The following ANKRD30B variants were observed in gnomAD, a reference collection of about 807,000 sequenced individuals.
The protein encoded by ANKRD30B is ankyrin repeat domain 30B.
ANKRD30B carries 144 observed loss-of-function variants against 202.2 expected under a neutral mutation model. That is an observed-to-expected ratio of 0.71 (90% CI 0.62 to 0.82). ANKRD30B has a LOEUF of 0.82. Among genes scored for constraint, ANKRD30B ranks in the 40% least tolerant of loss-of-function variants. ANKRD30B has a pLI of 0.00. For missense variants in ANKRD30B, 1,487 were observed against 1,669.1 expected, an observed-to-expected ratio of 0.89 and a Z score of 1.90; for synonymous variants, 508 against 561.3, an observed-to-expected ratio of 0.91 and a Z score of 1.34.
chr18:14,837,787 G>T, intron 36 of ANKRD30B, 111 bp downstream of exon 36: 1 of 1,256,884 alleles, frequency 8.0e-7, no homozygotes, highest in Non-Finnish European at 1.1e-6. Context: ...TCCATAAGGC[G>T]GGTGGATCAC....
chr18:14,838,152 T>A (rs1400743211), intron 36 of ANKRD30B, among the ~76,000 whole-genome samples: 1 of 152,278 alleles, frequency 6.6e-6, no homozygotes, highest in Non-Finnish European at 1.5e-5. Context: ...CAGTGTAGAA[T>A]AGTGCAAAAC....
chr18:14,875,568 C>G, the ANKRD30B span, among the ~76,000 whole-genome samples: 1 of 152,188 alleles, frequency 6.6e-6, no homozygotes, highest in Non-Finnish European at 1.5e-5. Flanking sequence ...AGCCCCTGGA[C>G]AGCAGGTGCT....
At chr18:14,911,233 C>A in the ANKRD30B span, among the ~76,000 whole-genome samples, 100 of 151,922 alleles carry the variant, frequency 6.6e-4, no homozygotes, top group Non-Finnish European at 1.0e-3. Context: ...CCTAGATTTT[C>A]TTCTAAGAGT....
chr18:14,789,748 A>G (rs148698392), intron 15 of ANKRD30B, among the ~76,000 whole-genome samples: 2,594 of 152,220 alleles, frequency 0.017, 82 homozygotes, highest in African/African-American at 0.06. Flanking sequence ...CCATTGATCT[A>G]TATCTCTGTT....
chr18:14,916,957 C>T, the ANKRD30B span, among the ~76,000 whole-genome samples: 2 of 152,192 alleles, frequency 1.3e-5, no homozygotes, highest in Non-Finnish European at 2.9e-5. Context: ...ACTTAAATGT[C>T]GGTCATCAGT....
chr18:14,755,346 C>G (rs1232271334), intron 4 of ANKRD30B, among the ~76,000 whole-genome samples: 1 of 151,968 alleles, frequency 6.6e-6, no homozygotes, highest in Non-Finnish European at 1.5e-5. Flanking sequence ...GAATTATTAA[C>G]AGTTTTATAG....
chr18:14,797,699 T>G lies in ANKRD30B; in HGVS notation c.1956+10T>G. The G allele has an allele frequency of 6.2e-7, 1 of 1,609,756 alleles. No homozygotes were observed. The highest frequency in any genetic ancestry group is 1.1e-5 in the South Asian group (1 of 90,942). ...AGATGGTCTTCTGAAGGTAATAGCT[T>G]TTATGTCTCTATCTTGAATATTAAC... On this transcript the variant is annotated intron_variant, in intron 19 of 43. Coordinates refer to ENST00000690538, the MANE Select transcript of ANKRD30B (RefSeq NM_001367607.2).
intron 8 of ANKRD30B, among the ~76,000 whole-genome samples, chr18:14,770,743 G>T (rs979732086): frequency 1.3e-5 from 2 of 151,868 alleles, no homozygotes; most frequent in Non-Finnish European, 2.9e-5. Flanking sequence ...GTTCAAAGAC[G>T]TCCTGAATAG....
At chr18:14,817,319 C>A (rs1037520507) in intron 30 of ANKRD30B, among the ~76,000 whole-genome samples, 7 of 152,078 alleles carry the variant, frequency 4.6e-5, no homozygotes, top group South Asian at 2.1e-4. Flanking sequence ...TAGAGCCATG[C>A]CATGTGACCT....
chr18:14,922,957 CAG>C, the ANKRD30B span, among the ~76,000 whole-genome samples: 1 of 152,090 alleles, frequency 6.6e-6, no homozygotes, highest in Non-Finnish European at 1.5e-5. Flanking sequence ...GGACACTGGG[CAG>C]AGTCACCAGG....
At chr18:14,748,802 C>A (rs1199530062) in intron 1 of ANKRD30B, among the ~76,000 whole-genome samples, 162 bp downstream of exon 1, 1 of 152,124 alleles carries the variant, frequency 6.6e-6, no homozygotes, top group Non-Finnish European at 1.5e-5. Flanking sequence ...TGGCCTTCTT[C>A]CCGGTCAGGC....
rs949900409 is a variant in ANKRD30B at position 14,809,878 on chromosome 18, T to C, written c.2387-108T>C. 2.5e-4 allele frequency: 280 copies of C among 1,111,176 alleles called. 7 individuals carry two copies. The highest frequency in any genetic ancestry group is 3.6e-4 in the Non-Finnish European group (265 of 746,128). 68.8% of individuals were successfully genotyped at this position (1,111,176 alleles called of 1,614,324 possible). ...AGACCCCAAAACCTAGTGTAATCCC[T>C]TTTCAATCCAAGCATGAGGATTCAT... On this transcript the variant is annotated intron_variant, in intron 26 of 43. Transcript: ENST00000690538.
chr18:14,837,119 C>T, intron 34 of ANKRD30B, 92 bp from the exon 35 acceptor site: 1 of 751,478 alleles, frequency 1.3e-6, no homozygotes, highest in Non-Finnish European at 2.2e-6. Context: ...TGTTGTTTGT[C>T]TTTCTGACAA....
At chr18:14,934,830 A>T in the ANKRD30B span, among the ~76,000 whole-genome samples, 1 of 151,920 alleles carries the variant, frequency 6.6e-6, no homozygotes, top group Admixed American at 6.6e-5. Flanking sequence ...TGGTTCCTGG[A>T]GTGCAGGCAT....
intron 26 of ANKRD30B, among the ~76,000 whole-genome samples, chr18:14,809,387 A>G (rs1264497180): frequency 6.6e-6 from 1 of 151,008 alleles, no homozygotes; most frequent in Non-Finnish European, 1.5e-5. Flanking sequence ...AGCTGGTTAG[A>G]AACAATCCAT....
downstream of ANKRD30B, among the ~76,000 whole-genome samples, chr18:14,854,894 G>C (rs921056356): frequency 6.7e-6 from 1 of 150,178 alleles, no homozygotes; most frequent in Non-Finnish European, 1.5e-5. Context: ...CTACCCTTGG[G>C]GTGATGCACT....
chr18:14,792,084 T>C (rs1968550479), intron 16 of ANKRD30B, among the ~76,000 whole-genome samples: 1 of 152,180 alleles, frequency 6.6e-6, no homozygotes, highest in South Asian at 2.1e-4. Flanking sequence ...ATATAATTTG[T>C]CATATACACT....
chr18:14,823,953 G>A (rs990337756), intron 32 of ANKRD30B, among the ~76,000 whole-genome samples: 1 of 151,978 alleles, frequency 6.6e-6, no homozygotes, highest in Non-Finnish European at 1.5e-5. Context: ...CTTGGTAACA[G>A]AGTGAGACTC....
chr18:14,855,595 G>A (rs191612666), downstream of ANKRD30B, among the ~76,000 whole-genome samples: 2,450 of 150,266 alleles, frequency 0.016, 36 homozygotes, highest in Middle Eastern at 0.028. Context: ...CAGATGGGGC[G>A]GCTGGGAAGA....
Sources: gnomAD v4.1 joint callset for allele counts (sites outside exome capture counted in the v4.1 genomes callset) on GRCh38, gnomAD v4.1.1 for gene constraint, MANE v1.5 for transcripts, NCBI Gene and HGNC (gene_info 2026-07-23, HGNC 2026-07-21) for gene names.